PTCHD4: variants seen among roughly 807,000 people sequenced by gnomAD.
The protein encoded by PTCHD4 is patched domain containing 4, also known as patched domain-containing protein 4.
A neutral mutation model predicts 58.1 loss-of-function variants in PTCHD4; 33 were observed. The ratio of observed to expected loss-of-function variants is 0.57; its 90% CI spans 0.43 to 0.76. PTCHD4 has a LOEUF of 0.76. Among genes scored for constraint, PTCHD4 ranks in the 30% least tolerant of loss-of-function variants. PTCHD4 has a pLI of 0.00. For missense variants in PTCHD4, 1,058 were observed against 1,027.1 expected (o/e 1.03, Z -0.41); for synonymous variants, 478 against 409.6 (o/e 1.17, Z -2.02).
intron 1 of PTCHD4, among the ~76,000 whole-genome samples, chr6:48,102,142 C>T (rs949940354): frequency 6.6e-6 from 1 of 152,160 alleles, no homozygotes; most frequent in Non-Finnish European, 1.5e-5. Flanking sequence ...ATCCCATTTC[C>T]AGTGATGTGG....
At chr6:48,088,874 T>C (rs928987864) in intron 1 of PTCHD4, among the ~76,000 whole-genome samples, 9 of 152,066 alleles carry the variant, frequency 5.9e-5, no homozygotes, top group Non-Finnish European at 1.0e-4. Context: ...TAAAACCCTG[T>C]CTCTCCTAAA....
intron 4 of PTCHD4, among the ~76,000 whole-genome samples, chr6:47,946,563 C>T (rs1218588257): frequency 6.6e-6 from 1 of 151,976 alleles, no homozygotes; most frequent in Non-Finnish European, 1.5e-5. Context: ...TACATTCATC[C>T]TTTGTCTATC....
At chr6:47,899,348 A>G (rs930102554) in intron 4 of PTCHD4, among the ~76,000 whole-genome samples, 4 of 152,192 alleles carry the variant, frequency 2.6e-5, no homozygotes, top group Admixed American at 1.3e-4. Context: ...TTTTTGACAG[A>G]TTGAATACAA....
chr6:48,074,637 C>T (rs1004520081), intron 1 of PTCHD4, among the ~76,000 whole-genome samples: 1 of 152,218 alleles, frequency 6.6e-6, no homozygotes, highest in African/African-American at 2.4e-5. Flanking sequence ...CCTCTCTGAG[C>T]ACATTGTCAC....
At chr6:47,953,201 A>G (rs1325697) in intron 4 of PTCHD4, among the ~76,000 whole-genome samples, 7,311 of 151,980 alleles carry the variant, frequency 0.048, 208 homozygotes, top group African/African-American at 0.063. Flanking sequence ...TGACACTTGT[A>G]TGCAAAAAAG....
At chr6:47,917,572 A>G (rs1765300515) in intron 4 of PTCHD4, among the ~76,000 whole-genome samples, 1 of 152,160 alleles carries the variant, frequency 6.6e-6, no homozygotes, top group African/African-American at 2.4e-5. Flanking sequence ...AACCATCTTG[A>G]AGAAAACACT....
At chr6:47,976,950 C>A (rs1410656283) in intron 4 of PTCHD4, among the ~76,000 whole-genome samples, 4 of 152,006 alleles carry the variant, frequency 2.6e-5, no homozygotes, top group African/African-American at 9.7e-5. Context: ...TCATTCCCTG[C>A]TGAGAAGATA....
intron 1 of PTCHD4, among the ~76,000 whole-genome samples, chr6:48,082,103 C>T (rs993201203): frequency 7.2e-5 from 11 of 152,144 alleles, no homozygotes; most frequent in Non-Finnish European, 1.3e-4. Context: ...TCCTACCTTG[C>T]CTATTCATGA....
chr6:48,105,360 C>CAAA (rs1554183062), intron 1 of PTCHD4, among the ~76,000 whole-genome samples: 1 of 150,500 alleles, frequency 6.6e-6, no homozygotes, highest in Non-Finnish European at 1.5e-5. Context: ...CTACTGGGTA[C>CAAA]ACGAAATGAA....
intron 1 of PTCHD4, among the ~76,000 whole-genome samples, chr6:48,107,837 A>G (rs1444469978): frequency 6.6e-6 from 1 of 152,222 alleles, no homozygotes; most frequent in African/African-American, 2.4e-5. Context: ...GCAGCCAAAA[A>G]ACACATGAAA....
At chr6:48,007,762 A>G (rs1762504768) in intron 4 of PTCHD4, among the ~76,000 whole-genome samples, 1 of 152,146 alleles carries the variant, frequency 6.6e-6, no homozygotes, top group Admixed American at 6.5e-5. Flanking sequence ...CATTCTCTAA[A>G]TCACTACACA....
chr6:47,898,371 G>A lies in PTCHD4; in HGVS notation c.899-18435C>T, dbSNP rs190663118. 9.3e-4 allele frequency among the ~76,000 whole-genome samples: 141 copies of A among 152,188 alleles called. 2 individuals carry two copies. Among genetic ancestry groups the A allele is most frequent in the Middle Eastern group, 6.8e-3 (2 of 294 alleles). On this transcript the variant is annotated intron_variant, in intron 4 of 4. Transcript: ENST00000339488. The stretch of plus-strand genomic sequence containing the variant: ...GTGTAATATTAATTTTTAAATTTCT[G>A]CATAAAAAGCACCACTTCCATTATT...
chr6:47,991,463 G>T (rs1768277737), intron 4 of PTCHD4, among the ~76,000 whole-genome samples: 1 of 152,044 alleles, frequency 6.6e-6, no homozygotes, highest in Non-Finnish European at 1.5e-5. Context: ...CATTTCTAGA[G>T]AACTAAATAA....
chr6:48,109,680 T>G (rs1418847500), intron 1 of PTCHD4, among the ~76,000 whole-genome samples: 1 of 152,000 alleles, frequency 6.6e-6, no homozygotes, highest in Non-Finnish European at 1.5e-5. Flanking sequence ...ATATCCAAAA[T>G]CTATAAGAAA....
rs1289582537 is a variant in PTCHD4, at chr6:48,015,167, A to T, written c.418-6053T>A. ...ACAAGATGCTAACATGCTGTTTTCA[A>T]TGCTCTCCTATGTGAGTGCTTCATT... On this transcript the variant is annotated intron_variant, in intron 3 of 4. Coordinates refer to ENST00000339488, the MANE Select transcript of PTCHD4 (RefSeq NM_001384253.1). Among the ~76,000 whole-genome samples the T allele has an allele frequency of 2.0e-5, 3 of 152,026 alleles. 1 individual carries two copies. Among genetic ancestry groups the T allele is most frequent in the African/African-American group, 7.3e-5 (3 of 41,294 alleles).
intron 4 of PTCHD4, among the ~76,000 whole-genome samples, chr6:48,007,927 T>TGCGC (rs201892083): frequency 1.7e-5 from 1 of 60,302 alleles, no homozygotes; most frequent in Non-Finnish European, 3.1e-5. Context: ...AAAGAATATG[T>TGCGC]GCGCGCGCGC....
chr6:48,092,589 A>G (rs1765388438), intron 1 of PTCHD4, among the ~76,000 whole-genome samples: 1 of 152,204 alleles, frequency 6.6e-6, no homozygotes, highest in South Asian at 2.1e-4. Context: ...TCAAATTAAT[A>G]ATTTATAAAT....
At chr6:47,978,880 A>G (rs1277855071) in intron 4 of PTCHD4, among the ~76,000 whole-genome samples, 2 of 152,190 alleles carry the variant, frequency 1.3e-5, no homozygotes, top group Non-Finnish European at 2.9e-5. Context: ...TGTTATATCA[A>G]GATTCTATTA....
At position 47,910,981 on chromosome 6, in the gene PTCHD4, T is replaced by C. The variant is rs543581088; in HGVS notation, c.899-31045A>G. Among the ~76,000 whole-genome samples, 4 of 152,256 alleles carry C rather than the reference T, an allele frequency of 2.6e-5. No homozygotes were observed. In the East Asian group the frequency reaches 5.8e-4, roughly 22 times the overall value. ...CTTCTTAGTGAAGCTCATGACCTAA[T>C]AGAGGAGACAAATATTCAACATCAT... On this transcript the variant is annotated intron_variant, in intron 4 of 4. Transcript: ENST00000339488.
Sources: allele counts gnomAD v4.1 joint callset (sites outside exome capture counted in the v4.1 genomes callset), GRCh38; gene constraint gnomAD v4.1.1; transcripts MANE v1.5; gene names NCBI Gene and HGNC (gene_info 2026-07-23, HGNC 2026-07-21).